ARID5B: variants seen among roughly 807,000 people sequenced by gnomAD.
ARID5B encodes AT-rich interactive domain-containing protein 5B.
Under a neutral mutation model 97.2 loss-of-function variants are expected in ARID5B, and 13 were observed. That is an observed-to-expected ratio of 0.13 (90% confidence interval 0.09 to 0.21). ARID5B has a LOEUF of 0.21. Ranked by LOEUF, ARID5B falls within the 10% of genes least tolerant of loss-of-function variation. ARID5B has a pLI of 1.00. For missense variants in ARID5B, 1,210 were observed against 1,465.3 expected (o/e 0.83, Z 2.84); for synonymous variants, 556 against 570.3 (o/e 0.97, Z 0.36).
chr10:61,904,483 T>C (rs1725723126), intron 2 of ARID5B, among the ~76,000 whole-genome samples: 1 of 152,242 alleles, frequency 6.6e-6, no homozygotes, highest in East Asian at 1.9e-4. Context: ...TTGTTCATTA[T>C]GGGGAATTGA....
intron 4 of ARID5B, chr10:62,049,511 TTTTG>T: frequency 6.4e-7 from 1 of 1,550,408 alleles, no homozygotes; most frequent in Middle Eastern, 1.7e-4. Context: ...TTTGCTTGAT[TTTTG>T]TTTGTGAGCT....
chr10:62,049,190 G>T (rs2132928683), intron 4 of ARID5B: 1 of 1,286,236 alleles, frequency 7.8e-7, no homozygotes, highest in East Asian at 3.3e-5. Context: ...CACCATCTCC[G>T]TGCGGGGAGG....
At chr10:62,073,574 C>T (rs1019290176) in intron 8 of ARID5B, among the ~76,000 whole-genome samples, 1 of 152,210 alleles carries the variant, frequency 6.6e-6, no homozygotes, top group Non-Finnish European at 1.5e-5. Context: ...CCAAGCACTT[C>T]ATAAAAATGT....
In ARID5B at chr10:62,091,921, C is replaced by A; in HGVS notation, c.2458C>A (p.Pro820Thr). 6.2e-7 allele frequency: 1 copy of A among 1,613,914 alleles called. No homozygotes were observed. Among genetic ancestry groups the A allele is most frequent in the Non-Finnish European group, 8.5e-7 (1 of 1,179,956 alleles). Residue 820 changes from proline (P) to threonine (T), a missense_variant, in exon 10 of 10, where the codon CCC becomes ACC. By Grantham distance (38) the Pro-to-Thr change is conservative. Transcript: ENST00000279873. ...TAAACTCTTAGAGAAAAGGGCCCTC[C>A]CCCATTCCCACATGCCTAGCTTCCT... ...KDKLLEKRAL[P>T]HSHMPSFLAD...
intron 4 of ARID5B, among the ~76,000 whole-genome samples, chr10:62,028,503 A>T (rs1839451244): frequency 6.6e-6 from 1 of 152,104 alleles, no homozygotes; most frequent in African/African-American, 2.4e-5. Context: ...TGAACTCTGG[A>T]TCTCAGTCTG....
intron 2 of ARID5B, among the ~76,000 whole-genome samples, chr10:61,921,604 C>G (rs1488195800): frequency 1.3e-5 from 2 of 152,112 alleles, no homozygotes; most frequent in African/African-American, 4.8e-5. Flanking sequence ...GAAGTGACAT[C>G]CCATCACTTT....
In ARID5B at chr10:61,963,129, CAT is replaced by C. The variant is rs200022820; in HGVS notation, c.502+22722_502+22723del. Among the ~76,000 whole-genome samples, 78 of 152,236 alleles carry C rather than the reference CAT, an allele frequency of 5.1e-4. No homozygotes were observed. In the East Asian group the frequency reaches 0.014, roughly 28 times the overall value. On this transcript the variant is annotated intron_variant, in intron 3 of 9. Coordinates refer to ENST00000279873, the MANE Select transcript of ARID5B (RefSeq NM_032199.3). ...TGAGATTAGTCCTCAATTTGTATGA[CAT>C]GTGTCTCAACAAATAGAAAATATTC...
chr10:61,912,740 T>C (rs2132760426), intron 2 of ARID5B, among the ~76,000 whole-genome samples: 1 of 150,282 alleles, frequency 6.7e-6, no homozygotes, highest in East Asian at 1.9e-4. Flanking sequence ...TATCTCTGTA[T>C]ACATTACACA....
intron 3 of ARID5B, among the ~76,000 whole-genome samples, chr10:61,941,959 G>A (rs1844418371): frequency 6.6e-6 from 1 of 152,038 alleles, no homozygotes; most frequent in South Asian, 2.1e-4. Context: ...GATCTAAGTT[G>A]TATTACCATT....
Position 61,962,876 on chromosome 10 carries a change from T to C in ARID5B, c.502+22468T>C, listed in dbSNP as rs1045936022. On this transcript the variant is annotated intron_variant, in intron 3 of 9. Coordinates refer to ENST00000279873, the MANE Select transcript of ARID5B (RefSeq NM_032199.3). Reference sequence around the variant, plus strand: ...TTGGTAATTATGACTTACAAGGCTATAAATACATGGAGGGGATTTGGTGAT... The same window carrying C: ...TTGGTAATTATGACTTACAAGGCTACAAATACATGGAGGGGATTTGGTGAT... Among the ~76,000 whole-genome samples the C allele has an allele frequency of 3.9e-5, 6 of 152,342 alleles. No homozygotes were observed. In the East Asian group the frequency reaches 9.6e-4, roughly 24 times the overall value.
At chr10:62,003,144 A>T (rs1245593136) in intron 4 of ARID5B, among the ~76,000 whole-genome samples, 1 of 152,210 alleles carries the variant, frequency 6.6e-6, no homozygotes, top group African/African-American at 2.4e-5. Flanking sequence ...AAATGCGATT[A>T]TGGAGTAGGG....
chr10:61,952,551 G>T (rs916313903), intron 3 of ARID5B, among the ~76,000 whole-genome samples: 2 of 152,198 alleles, frequency 1.3e-5, no homozygotes, highest in Non-Finnish European at 1.5e-5. Context: ...TTTATGATCA[G>T]ACTTTCCTGA....
At chr10:62,010,886 A>G (rs1839208056) in intron 4 of ARID5B, among the ~76,000 whole-genome samples, 1 of 152,234 alleles carries the variant, frequency 6.6e-6, no homozygotes, top group South Asian at 2.1e-4. Context: ...TGGTTGCTTG[A>G]CAGCATACAG....
At chr10:61,946,049 A>G (rs1010805861) in intron 3 of ARID5B, among the ~76,000 whole-genome samples, 3 of 148,206 alleles carry the variant, frequency 2.0e-5, no homozygotes, top group Non-Finnish European at 4.5e-5. Flanking sequence ...ATACCATATA[A>G]CATAAACATT....
chr10:62,079,490 A>C (rs577059905), intron 8 of ARID5B, among the ~76,000 whole-genome samples: 3 of 152,188 alleles, frequency 2.0e-5, no homozygotes, highest in Non-Finnish European at 2.9e-5. Flanking sequence ...ATGCCTAATC[A>C]ATATATATGA....
intron 4 of ARID5B, among the ~76,000 whole-genome samples, chr10:62,045,882 G>C (rs1160735919): frequency 1.3e-5 from 2 of 152,212 alleles, no homozygotes; most frequent in East Asian, 1.9e-4. Flanking sequence ...TTGTTTTCTG[G>C]CTCGTGTTTA....
intron 3 of ARID5B, among the ~76,000 whole-genome samples, chr10:61,945,210 C>T (rs551784272): frequency 4.1e-4 from 62 of 152,190 alleles, no homozygotes; most frequent in African/African-American, 1.5e-3. Flanking sequence ...AGACATGCCT[C>T]TTATTGGAAC....
chr10:62,000,345 A>G lies in ARID5B; in HGVS notation c.733+24A>G. On this transcript the variant is annotated intron_variant, in intron 4 of 9. Transcript: ENST00000279873. The surrounding 1 kb of genome is among the most constrained non-coding windows in gnomAD (Gnocchi z 4.4). The stretch of plus-strand genomic sequence containing the variant: ...TGGTGAGTCTTTTTTTTTTTTTCCT[A>G]CCTGATTCTTGTGCGTGTGTGCCTA... 1 of 1,521,618 alleles carries G rather than the reference A, an allele frequency of 6.6e-7. No individual in the cohort carries two copies. The highest frequency in any genetic ancestry group is 2.4e-5 in the East Asian group (1 of 41,572). The allele number at this position is 1,521,618 out of a possible 1,614,324, so 94.3% of individuals were successfully genotyped here.
intron 4 of ARID5B, among the ~76,000 whole-genome samples, chr10:62,029,182 T>C (rs1401545911): frequency 6.6e-6 from 1 of 152,126 alleles, no homozygotes; most frequent in East Asian, 1.9e-4. Flanking sequence ...CTCACCTCCA[T>C]TTTTTTATGT....
Sources: allele counts gnomAD v4.1 joint callset (sites outside exome capture counted in the v4.1 genomes callset), GRCh38; gene constraint gnomAD v4.1.1; non-coding constraint Gnocchi (gnomAD v3.1); transcripts MANE v1.5; gene names NCBI Gene and HGNC (gene_info 2026-07-23, HGNC 2026-07-21).